MRTO4: variants seen among roughly 807,000 people sequenced by gnomAD.
MRTO4 encodes the protein MRT4 homolog, ribosome maturation factor, also known as mRNA turnover protein 4 homolog.
A neutral mutation model predicts 28.6 loss-of-function variants in MRTO4; 7 were observed. The ratio of observed to expected loss-of-function variants is 0.24; its 90% confidence interval spans 0.14 to 0.46. The LOEUF (loss-of-function observed/expected upper bound fraction) is 0.46, where lower values mean the gene tolerates loss of function less well. MRTO4 is among the 20% of genes least tolerant of loss of function. MRTO4 has a pLI of 0.99. For missense variants in MRTO4, 302 were observed against 298.3 expected (o/e 1.01, Z -0.09); for synonymous variants, 113 against 108.2 (o/e 1.04, Z -0.27).
chr1:19,254,732 G>A (rs735026), intron 1 of MRTO4, 50 bp from the exon 2 acceptor site: 347,067 of 1,430,762 alleles, frequency 0.24, 45,451 homozygotes, highest in African/African-American at 0.47. Context: ...TAAGTCTCCA[G>A]TGCATTTAGA....
rs2093677037 is a variant in MRTO4, at chr1:19,259,436, G to C, written c.*606G>C. 2 of 152,258 alleles carry C rather than the reference G, an allele frequency of 1.3e-5. No individual in the cohort carries two copies. Among genetic ancestry groups the C allele is most frequent in the Non-Finnish European group, 2.9e-5 (2 of 68,106 alleles). The allele number at this position is 152,258 out of a possible 1,614,324, so 9.4% of individuals were successfully genotyped here. On this transcript the variant is annotated 3_prime_UTR_variant, in exon 8 of 8. Transcript: ENST00000330263. The stretch of plus-strand genomic sequence containing the variant: ...CTCTACAAAAAATAAAAAAAAATTA[G>C]TCGTGGTGCCACTTGCCTGTGGTCC...
intron 1 of MRTO4, 61 bp downstream of exon 1, chr1:19,251,924 G>C: frequency 4.5e-6 from 7 of 1,555,680 alleles, no homozygotes; most frequent in Non-Finnish European, 6.1e-6. Flanking sequence ...CCCAGCCTGC[G>C]GTGAGGGCTT....
chr1:19,253,015 T>C (rs1476342143), intron 1 of MRTO4, among the ~76,000 whole-genome samples: 2 of 152,184 alleles, frequency 1.3e-5, no homozygotes, highest in African/African-American at 2.4e-5. Flanking sequence ...CCCTGGAATA[T>C]TCAAAAATAT....
chr1:19,257,278 G>C, intron 4 of MRTO4, 133 bp downstream of exon 4: 1 of 1,207,948 alleles, frequency 8.3e-7, no homozygotes, highest in Non-Finnish European at 1.2e-6. Flanking sequence ...TAAAGCTCTG[G>C]GTTCTCCCTT....
In MRTO4 at chr1:19,258,565, G is replaced by A. The variant is rs145123606; in HGVS notation, c.570+12G>A. On this transcript the variant is annotated intron_variant, in intron 7 of 7. Transcript: ENST00000330263. Reference sequence around the variant, plus strand: ...AGGCTCGCGTCCTGGTGAGTCTGGCGCCTTGCGGGCTGTTGCGGGCGGGGT... The same window carrying A: ...AGGCTCGCGTCCTGGTGAGTCTGGCACCTTGCGGGCTGTTGCGGGCGGGGT... The A allele has an allele frequency of 0.016, 25,963 of 1,614,014 alleles. 278 individuals are homozygous for A. The highest frequency in any genetic ancestry group is 0.034 in the Middle Eastern group (208 of 6,062).
chr1:19,252,147 G>C lies in MRTO4; in HGVS notation c.28+284G>C, dbSNP rs537982856. 210 of 477,576 alleles carry C rather than the reference G, an allele frequency of 4.4e-4. No homozygotes were observed. In the East Asian group the frequency reaches 7.4e-3, roughly 17 times the overall value. 29.6% of individuals were successfully genotyped at this position (477,576 alleles called of 1,614,324 possible). On this transcript the variant is annotated intron_variant, in intron 1 of 7. Coordinates refer to ENST00000330263, the MANE Select transcript of MRTO4 (RefSeq NM_016183.4). ...AGGCAGCTCCTGAACACCGCCCCCGGCTATGCCTGCTGCCGTTTCGGCCCA... is the reference window on the plus strand; with the variant it reads ...AGGCAGCTCCTGAACACCGCCCCCGCCTATGCCTGCTGCCGTTTCGGCCCA...
rs185829345 is a variant in MRTO4 at position 19,259,482 on chromosome 1, G to A, written c.*652G>A. ...GGTCCCCACTGCTTGGGAGGCTGAG[G>A]TGGGAGAATTGCTTAAGCCTGAGAG... is the stretch of plus-strand genomic sequence containing the variant. On this transcript the variant is annotated 3_prime_UTR_variant, in exon 8 of 8. Coordinates refer to ENST00000330263, the MANE Select transcript of MRTO4 (RefSeq NM_016183.4). 3 of 152,232 alleles carry A rather than the reference G, an allele frequency of 2.0e-5. No individual in the cohort carries two copies. In the East Asian group the frequency reaches 5.8e-4, roughly 30 times the overall value. 9.4% of individuals were successfully genotyped at this position (152,232 alleles called of 1,614,324 possible). A position where few individuals can be genotyped will look rare whatever the true frequency, so the allele number is the denominator to read the frequency against.
At chr1:19,252,552 A>G (rs2093663626) in intron 1 of MRTO4, among the ~76,000 whole-genome samples, 1 of 152,156 alleles carries the variant, frequency 6.6e-6, no homozygotes, top group Non-Finnish European at 1.5e-5. Context: ...ACTAAAAATT[A>G]GATGGGCATG....
At chr1:19,258,204 TAAA>T (rs557311316) in intron 6 of MRTO4, among the ~76,000 whole-genome samples, 2 of 145,684 alleles carry the variant, frequency 1.4e-5, no homozygotes, top group Non-Finnish European at 1.5e-5. Flanking sequence ...TGCGCTTGTT[TAAA>T]AAAAAAAAAA....
intron 1 of MRTO4, among the ~76,000 whole-genome samples, chr1:19,253,564 G>A (rs529415484): frequency 6.6e-5 from 10 of 152,336 alleles, no homozygotes; most frequent in Middle Eastern, 3.4e-3. Context: ...CAGGGCAGAG[G>A]GCAGGAATGG....
Position 19,258,483 on chromosome 1 carries a change from T to C in MRTO4, c.500T>C (p.Val167Ala), listed in dbSNP as rs1428936348. 8 of 1,613,902 alleles carry C rather than the reference T, an allele frequency of 5.0e-6. No individual in the cohort carries two copies. The highest frequency in any genetic ancestry group is 6.8e-6 in the Non-Finnish European group (8 of 1,180,022). The change falls in exon 7 of 8, where the codon GTG becomes GCG. Residue 167 changes from valine (V) to alanine (A), a missense_variant. Coordinates refer to ENST00000330263, the MANE Select transcript of MRTO4 (RefSeq NM_016183.4). The stretch of plus-strand genomic sequence containing the variant: ...GAGCCACCCTCTTCTGCAGGTGTGG[T>C]GACTCTGCTGTCTGACTACGAGGTG... ...GLPTALKRGV[V>A]TLLSDYEVCK... is the part of the protein sequence containing the mutation.
intron 3 of MRTO4, among the ~76,000 whole-genome samples, chr1:19,256,832 G>T (rs969465907): frequency 2.0e-5 from 3 of 152,206 alleles, no homozygotes; most frequent in African/African-American, 4.8e-5. Flanking sequence ...GGTACATGAT[G>T]CTCGTGATGG....
intron 4 of MRTO4, 144 bp downstream of exon 4, chr1:19,257,289 C>A: frequency 8.5e-7 from 1 of 1,177,754 alleles, no homozygotes; most frequent in Non-Finnish European, 1.3e-6. Flanking sequence ...GTTCTCCCTT[C>A]ACCTCCGGAC....
chr1:19,257,609 G>A, intron 5 of MRTO4, 88 bp downstream of exon 5: 1 of 1,533,716 alleles, frequency 6.5e-7, no homozygotes, highest in South Asian at 1.1e-5. Context: ...TCCATATGTG[G>A]CATCAAGTTG....
intron 1 of MRTO4, among the ~76,000 whole-genome samples, chr1:19,253,706 G>A (rs1337757338): frequency 1.3e-5 from 2 of 152,226 alleles, no homozygotes; most frequent in Non-Finnish European, 2.9e-5. Context: ...ATTGACTGAT[G>A]TCATTGTCTT....
At chr1:19,251,925 G>A in intron 1 of MRTO4, 62 bp downstream of exon 1, 1 of 1,554,830 alleles carries the variant, frequency 6.4e-7, no homozygotes, top group Non-Finnish European at 8.7e-7. Context: ...CCAGCCTGCG[G>A]TGAGGGCTTC....
intron 3 of MRTO4, among the ~76,000 whole-genome samples, chr1:19,256,254 G>A (rs1450117082): frequency 6.6e-6 from 1 of 152,112 alleles, no homozygotes; most frequent in South Asian, 2.1e-4. Flanking sequence ...GGTGGTTCAC[G>A]CCTGTAATCC....
At chr1:19,252,023 T>C (rs1007545017) in intron 1 of MRTO4, 160 bp downstream of exon 1, 11 of 1,074,506 alleles carry the variant, frequency 1.0e-5, no homozygotes, top group Middle Eastern at 2.9e-4. Flanking sequence ...GCTTCGGGGC[T>C]GTAAAACCGC....
chr1:19,256,107 T>A lies in MRTO4; in HGVS notation c.191+56T>A, dbSNP rs887462521. 5 of 1,507,776 alleles carry A rather than the reference T, an allele frequency of 3.3e-6. No individual in the cohort carries two copies. In the African/African-American group the frequency reaches 4.1e-5, roughly 12 times the overall value. The allele number at this position is 1,507,776 out of a possible 1,614,324, so 93.4% of individuals were successfully genotyped here. ...GAGTGGGGACCCGGCCAGGCTGCTCTCAGTCAAAGCACAGGAGCAATTTCT... is the reference window on the plus strand; with the variant it reads ...GAGTGGGGACCCGGCCAGGCTGCTCACAGTCAAAGCACAGGAGCAATTTCT... On this transcript the variant is annotated intron_variant, in intron 3 of 7. Coordinates refer to ENST00000330263, the MANE Select transcript of MRTO4 (RefSeq NM_016183.4).
Sources: allele counts gnomAD v4.1 joint callset (sites outside exome capture counted in the v4.1 genomes callset), GRCh38; gene constraint gnomAD v4.1.1; transcripts MANE v1.5; gene names NCBI Gene and HGNC (gene_info 2026-07-23, HGNC 2026-07-21).